The following XRCC4 variants were observed in gnomAD, a reference collection of about 807,000 sequenced individuals.
XRCC4 encodes the protein DNA repair protein XRCC4.
In XRCC4, 28 loss-of-function variants were observed where a neutral mutation model predicts 39.1. The observed-to-expected ratio is 0.72, with a 90% CI of 0.53 to 0.98. The LOEUF is 0.98. Ranked by LOEUF, XRCC4 falls within the 50% of genes least tolerant of loss-of-function variation. XRCC4 has a pLI of 0.00. For synonymous variants in XRCC4, 123 were observed against 126.4 expected (o/e 0.97, Z 0.18); for missense variants, 350 against 376.4 (o/e 0.93, Z 0.58).
At chr5:83,325,465 A>G (rs1383604047) in intron 7 of XRCC4, among the ~76,000 whole-genome samples, 1 of 151,868 alleles carries the variant, frequency 6.6e-6, no homozygotes, top group East Asian at 1.9e-4. Flanking sequence ...CCCTCCCCCA[A>G]CACCCCTCAA....
At chr5:83,077,774 T>C in intron 1 of XRCC4, 159 bp downstream of exon 1, 1 of 166,350 alleles carries the variant, frequency 6.0e-6, no homozygotes, top group Non-Finnish European at 1.3e-5. Flanking sequence ...CGCGACTTCC[T>C]CTTGTGGGCT....
At chr5:83,238,363 G>T (rs1456841528) in intron 6 of XRCC4, among the ~76,000 whole-genome samples, 2 of 152,126 alleles carry the variant, frequency 1.3e-5, no homozygotes, top group East Asian at 1.9e-4. Context: ...TTGATTTTGG[G>T]AAAAGATCTG....
At chr5:83,133,023 A>T (rs756644520) in intron 3 of XRCC4, among the ~76,000 whole-genome samples, 46 of 151,934 alleles carry the variant, frequency 3.0e-4, no homozygotes, top group Admixed American at 9.9e-4. Flanking sequence ...TTGTGGTTTT[A>T]TCTACCTTCG....
intron 7 of XRCC4, among the ~76,000 whole-genome samples, chr5:83,322,179 G>A (rs1393610518): frequency 2.6e-5 from 4 of 151,098 alleles, no homozygotes; most frequent in Non-Finnish European, 5.9e-5. Context: ...GCATAACTCC[G>A]GAATATTGTT....
intron 7 of XRCC4, among the ~76,000 whole-genome samples, chr5:83,333,902 G>A (rs1042099565): frequency 1.3e-5 from 2 of 151,388 alleles, no homozygotes; most frequent in African/African-American, 2.4e-5. Context: ...TCCAAGTATC[G>A]GGGATTACAG....
Position 83,203,814 on chromosome 5 carries a change from T to C in XRCC4, c.638+107T>C. 9 of 1,356,064 alleles carry C rather than the reference T, an allele frequency of 6.6e-6. No homozygotes were observed. In the South Asian group the frequency reaches 1.2e-4, roughly 18 times the overall value. The allele number at this position is 1,356,064 out of a possible 1,614,324, so 84.0% of individuals were successfully genotyped here. ...CCAACTTTTTGATCATATGAGATAA[T>C]TTGGTAGTCTGGATGTGGATGTTCA... On this transcript the variant is annotated intron_variant, in intron 5 of 7. Coordinates refer to ENST00000396027, the MANE Select transcript of XRCC4 (RefSeq NM_003401.5).
chr5:83,272,379 G>A (rs985216570), intron 7 of XRCC4, among the ~76,000 whole-genome samples: 26 of 151,988 alleles, frequency 1.7e-4, no homozygotes, highest in Admixed American at 1.3e-3. Flanking sequence ...TGTTAGTGTG[G>A]GGTGTTCCCT....
chr5:83,298,983 T>G (rs893984496), intron 7 of XRCC4, among the ~76,000 whole-genome samples: 1 of 152,044 alleles, frequency 6.6e-6, no homozygotes, highest in Admixed American at 6.6e-5. Flanking sequence ...TTTTATATAG[T>G]CAATGCTCAT....
chr5:83,105,996 G>A (rs1289475762), intron 2 of XRCC4, among the ~76,000 whole-genome samples: 1 of 152,068 alleles, frequency 6.6e-6, no homozygotes, highest in Non-Finnish European at 1.5e-5. Context: ...TACTTACAGA[G>A]TTTCAAAAAA....
At chr5:83,101,839 A>G (rs1745952479) in intron 1 of XRCC4, among the ~76,000 whole-genome samples, 1 of 152,124 alleles carries the variant, frequency 6.6e-6, no homozygotes, top group Non-Finnish European at 1.5e-5. Context: ...ACGTAACCTT[A>G]ACAAGCCAAT....
chr5:83,362,294 C>CAAAAAAAAAAAAAAAAAAAAAAAAAAAA, the XRCC4 span, among the ~76,000 whole-genome samples: 1 of 73,184 alleles, frequency 1.4e-5, no homozygotes, highest in African/African-American at 5.5e-5. Flanking sequence ...GCTATTTAGG[C>CAAAAAAAAAAAAAAAAAAAAAAAAAAAA]AAAAAAAAAA....
At chr5:83,171,343 T>C (rs1749713168) in intron 3 of XRCC4, among the ~76,000 whole-genome samples, 1 of 152,172 alleles carries the variant, frequency 6.6e-6, no homozygotes, top group African/African-American at 2.4e-5. Flanking sequence ...ATTCTCCTGC[T>C]TAAAAATCAC....
At chr5:83,323,135 T>A (rs1457160691) in intron 7 of XRCC4, among the ~76,000 whole-genome samples, 1 of 152,008 alleles carries the variant, frequency 6.6e-6, no homozygotes, top group Non-Finnish European at 1.5e-5. Context: ...TGAAATAAAA[T>A]AGTGTTTTCC....
intron 6 of XRCC4, among the ~76,000 whole-genome samples, chr5:83,254,869 C>T (rs1312421659): frequency 1.3e-5 from 2 of 151,966 alleles, no homozygotes; most frequent in Non-Finnish European, 2.9e-5. Context: ...GGTAGATCAC[C>T]TGAGCTCAGT....
intron 3 of XRCC4, among the ~76,000 whole-genome samples, chr5:83,139,243 G>C (rs1237256608): frequency 6.6e-6 from 1 of 152,072 alleles, no homozygotes; most frequent in Non-Finnish European, 1.5e-5. Flanking sequence ...TTGAGAGTTT[G>C]TAGGACGTCC....
chr5:83,232,461 A>C (rs902995037), intron 6 of XRCC4, among the ~76,000 whole-genome samples: 1 of 152,096 alleles, frequency 6.6e-6, no homozygotes, highest in African/African-American at 2.4e-5. Flanking sequence ...ACTGCTCCAC[A>C]AAGGTCTTTA....
intron 3 of XRCC4, among the ~76,000 whole-genome samples, chr5:83,139,047 T>C (rs1266618440): frequency 6.6e-6 from 1 of 152,198 alleles, no homozygotes; most frequent in Non-Finnish European, 1.5e-5. Context: ...GAAATTAACA[T>C]TGACATAGTA....
intron 6 of XRCC4, among the ~76,000 whole-genome samples, chr5:83,240,003 A>AAAAAAC (rs928150007): frequency 2.0e-5 from 3 of 151,668 alleles, no homozygotes; most frequent in African/African-American, 7.3e-5. Context: ...ACAGAGGAAA[A>AAAAAAC]AAAAACAAAA....
chr5:83,218,062 TTA>T (rs560667796), intron 6 of XRCC4, among the ~76,000 whole-genome samples: 22 of 147,578 alleles, frequency 1.5e-4, no homozygotes, highest in African/African-American at 2.3e-4. Flanking sequence ...TTTACCTTTT[TTA>T]TATATATATA....
Sources: allele counts gnomAD v4.1 joint callset (sites outside exome capture counted in the v4.1 genomes callset), GRCh38; gene constraint gnomAD v4.1.1; transcripts MANE v1.5; gene names NCBI Gene and HGNC (gene_info 2026-07-23, HGNC 2026-07-21).